LSAMP: variants seen among roughly 807,000 people sequenced by gnomAD.
The protein encoded by LSAMP is limbic system associated membrane protein, also known as limbic system-associated membrane protein.
A neutral mutation model predicts 38.6 loss-of-function variants in LSAMP; 7 were observed. The ratio of observed to expected loss-of-function variants is 0.18; its 90% CI spans 0.10 to 0.34. The LOEUF is 0.34. Among genes scored for constraint, LSAMP ranks in the 10% least tolerant of loss-of-function variants. The pLI is 1.00. For missense variants in LSAMP, 313 were observed against 420.0 expected, an observed-to-expected ratio of 0.75 and a Z score of 2.23; for synonymous variants, 154 against 166.8, an observed-to-expected ratio of 0.92 and a Z score of 0.59.
At chr3:116,415,260 G>A (rs994651885) in intron 1 of LSAMP, among the ~76,000 whole-genome samples, 3 of 150,064 alleles carry the variant, frequency 2.0e-5, no homozygotes, top group African/African-American at 7.4e-5. Context: ...TCACAGAGAT[G>A]GCTTGAGCTC....
At chr3:116,287,087 CT>C (rs2047204773) in intron 1 of LSAMP, among the ~76,000 whole-genome samples, 1 of 151,982 alleles carries the variant, frequency 6.6e-6, no homozygotes, top group African/African-American at 2.4e-5. Flanking sequence ...GTTGGTAGCG[CT>C]TTCTTGGAAG....
chr3:116,344,263 T>C (rs1210340849), intron 1 of LSAMP, among the ~76,000 whole-genome samples: 1 of 152,020 alleles, frequency 6.6e-6, no homozygotes, highest in African/African-American at 2.4e-5. Flanking sequence ...ATAAGAGGCA[T>C]ATATGAAGAT....
intron 1 of LSAMP, among the ~76,000 whole-genome samples, chr3:116,174,663 A>AT (rs952010508): frequency 2.0e-5 from 3 of 151,916 alleles, no homozygotes; most frequent in African/African-American, 7.2e-5. Flanking sequence ...TCATAGGGTG[A>AT]TTTTTGTGAC....
At chr3:116,436,649 G>C (rs778718137) in intron 1 of LSAMP, among the ~76,000 whole-genome samples, 1 of 152,112 alleles carries the variant, frequency 6.6e-6, no homozygotes, top group African/African-American at 2.4e-5. Flanking sequence ...ACTCCTCCAA[G>C]AATGGCCATA....
At chr3:115,865,855 G>A (rs568769274) in intron 3 of LSAMP, among the ~76,000 whole-genome samples, 4 of 152,054 alleles carry the variant, frequency 2.6e-5, no homozygotes, top group African/African-American at 4.8e-5. Context: ...ATCTTGACCC[G>A]GGATCAGGGA....
At chr3:116,345,052 T>A (rs368905479) in intron 1 of LSAMP, among the ~76,000 whole-genome samples, 15 of 152,290 alleles carry the variant, frequency 9.8e-5, no homozygotes, top group African/African-American at 3.6e-4. Context: ...ATTGAACACA[T>A]AATTCTGCAC....
intron 1 of LSAMP, among the ~76,000 whole-genome samples, chr3:116,167,695 G>C (rs1710093549): frequency 6.6e-6 from 1 of 152,200 alleles, no homozygotes; most frequent in Non-Finnish European, 1.5e-5. Flanking sequence ...GGCAGATACT[G>C]CCTCTGCCCT....
chr3:115,806,579 T>C lies in LSAMP; in HGVS notation c.*3738A>G, dbSNP rs765930398. 7.9e-5 allele frequency: 12 copies of C among 152,220 alleles called. No homozygotes were observed. The highest frequency in any genetic ancestry group is 3.3e-4 in the Admixed American group (5 of 15,274). The allele number at this position is 152,220 out of a possible 1,614,324, so 9.4% of individuals were successfully genotyped here. A position where few individuals can be genotyped will look rare whatever the true frequency, so the allele number is the denominator to read the frequency against. On this transcript the variant is annotated 3_prime_UTR_variant, in exon 7 of 7. Coordinates refer to ENST00000490035, the MANE Select transcript of LSAMP (RefSeq NM_002338.5). ...TTTGGAGGAGAAACAGATTTTTGTT[T>C]GGTCCTCCAAGAACGTGAAAATCAC...
chr3:116,105,523 T>G (rs1708444252), intron 1 of LSAMP, among the ~76,000 whole-genome samples: 1 of 149,946 alleles, frequency 6.7e-6, no homozygotes, highest in Non-Finnish European at 1.5e-5. Context: ...AAAATTACAG[T>G]CAAAGGGGGT....
intron 1 of LSAMP, among the ~76,000 whole-genome samples, chr3:116,406,048 G>A (rs534693840): frequency 1.3e-5 from 2 of 152,094 alleles, no homozygotes; most frequent in Non-Finnish European, 2.9e-5. Flanking sequence ...TTTTTGCATA[G>A]CAGTTACATT....
At chr3:115,986,690 G>GA (rs889886836) in intron 3 of LSAMP, among the ~76,000 whole-genome samples, 11 of 148,466 alleles carry the variant, frequency 7.4e-5, no homozygotes, top group Admixed American at 1.3e-4. Flanking sequence ...GGAGCCACTG[G>GA]AAAAAAAAAG....
chr3:116,040,245 A>T (rs145207969), intron 2 of LSAMP, among the ~76,000 whole-genome samples: 5 of 152,204 alleles, frequency 3.3e-5, no homozygotes, highest in Non-Finnish European at 7.4e-5. Context: ...TTCAATGCGT[A>T]TGTTCCCACT....
chr3:115,916,919 A>G (rs1937264430), intron 3 of LSAMP, among the ~76,000 whole-genome samples: 1 of 152,226 alleles, frequency 6.6e-6, no homozygotes. Flanking sequence ...GTTGGAAAGT[A>G]AGTGGTAATA....
At position 115,829,214 on chromosome 3, in the gene LSAMP, GAC is replaced by G. The variant is rs1320863133; in HGVS notation, c.919+12629_919+12630del. On this transcript the variant is annotated intron_variant, in intron 6 of 6. Transcript: ENST00000490035. ...AAGAGTAAAGAGGTGGGGGAGATAA[GAC>G]ACAGAAATGGGGAGAAAACCTCCCT... Among the ~76,000 whole-genome samples the G allele has an allele frequency of 3.9e-5, 6 of 152,212 alleles. No individual in the cohort carries two copies. The East Asian group carries it at 7.7e-4, about 20-fold the overall frequency.
At position 115,806,727 on chromosome 3, in the gene LSAMP, C is replaced by T. The variant is rs982045218; in HGVS notation, c.*3590G>A. The T allele has an allele frequency of 1.3e-5, 2 of 152,214 alleles. No individual in the cohort carries two copies. The highest frequency in any genetic ancestry group is 4.8e-5 in the African/African-American group (2 of 41,462). The allele number at this position is 152,214 out of a possible 1,614,324, so 9.4% of individuals were successfully genotyped here. ...GAAGGCAAAGGTCAATGGGGCAGTCCTTCCTGAGAGAAAACCCATCTGCTT... is the reference window on the plus strand; with the variant it reads ...GAAGGCAAAGGTCAATGGGGCAGTCTTTCCTGAGAGAAAACCCATCTGCTT... On this transcript the variant is annotated 3_prime_UTR_variant, in exon 7 of 7. Transcript: ENST00000490035.
chr3:116,226,991 C>T (rs920257170), intron 1 of LSAMP, among the ~76,000 whole-genome samples: 1 of 152,246 alleles, frequency 6.6e-6, no homozygotes, highest in Middle Eastern at 3.4e-3. Context: ...TTTGTCTGTC[C>T]CTGACATCCA....
chr3:115,843,692 T>TG (rs1935070469), intron 4 of LSAMP, among the ~76,000 whole-genome samples: 1 of 152,076 alleles, frequency 6.6e-6, no homozygotes, highest in Admixed American at 6.6e-5. Flanking sequence ...TCTGATATTT[T>TG]TTTTTTGTAT....
chr3:116,174,947 C>A (rs1185109400), intron 1 of LSAMP, among the ~76,000 whole-genome samples: 2 of 152,102 alleles, frequency 1.3e-5, no homozygotes, highest in East Asian at 1.9e-4. Flanking sequence ...TTGTGTCTCA[C>A]TTTTGTGCAC....
At chr3:116,081,824 A>G (rs1283115002) in intron 2 of LSAMP, among the ~76,000 whole-genome samples, 1 of 152,208 alleles carries the variant, frequency 6.6e-6, no homozygotes, top group South Asian at 2.1e-4. Context: ...TTAGAAATAC[A>G]TTTTAAAACT....
Sources: allele counts gnomAD v4.1 joint callset (sites outside exome capture counted in the v4.1 genomes callset), GRCh38; gene constraint gnomAD v4.1.1; transcripts MANE v1.5; gene names NCBI Gene and HGNC (gene_info 2026-07-23, HGNC 2026-07-21).